MYOC: variants seen among roughly 807,000 people sequenced by gnomAD.
MYOC encodes myocilin, also known as juvenile-onset open-angle glaucoma 1.
In MYOC, 29 loss-of-function variants were observed where a neutral mutation model predicts 28.2. That is an observed-to-expected ratio of 1.03 (90% CI 0.77 to 1.40). The LOEUF (loss-of-function observed/expected upper bound fraction) is 1.40, where lower values mean the gene tolerates loss of function less well. MYOC is among the 40% of genes most tolerant of loss of function. The pLI, the probability that MYOC is intolerant of heterozygous loss-of-function variation, is 0.00. For synonymous variants in MYOC, 240 were observed against 245.6 expected, an observed-to-expected ratio of 0.98 and a Z score of 0.21; for missense variants, 569 against 620.6, an observed-to-expected ratio of 0.92 and a Z score of 0.88.
chr1:171,638,940 A>G (rs1022461062), intron 1 of MYOC: 10 of 447,738 alleles, frequency 2.2e-5, no homozygotes, highest in Non-Finnish European at 4.1e-5. Context: ...CTAAAAACAC[A>G]AAAGAATTAG....
At chr1:171,639,403 G>A (rs74122890) in intron 1 of MYOC, among the ~76,000 whole-genome samples, 1 of 152,142 alleles carries the variant, frequency 6.6e-6, no homozygotes, top group South Asian at 2.1e-4. Flanking sequence ...GGGCTGGTTT[G>A]TGAATAGGTG....
Position 171,636,272 on chromosome 1 carries a change from C to T in MYOC, c.1168G>A (p.Val390Ile). 2 of 1,614,134 alleles carry T rather than the reference C, an allele frequency of 1.2e-6. No homozygotes were observed. The highest frequency in any genetic ancestry group is 1.7e-6 in the Non-Finnish European group (2 of 1,180,024). Residue 390 changes from valine to isoleucine, a missense_variant, in exon 3 of 3, where the codon GTC (valine) becomes ATC (isoleucine). Val to Ile is a conservative substitution (Grantham distance 29, BLOSUM62 3). Transcript: ENST00000037502. ...TTGGCCTCATCGGTGCTGTAAATGA[C>T]CCAGAGGCCTGCTTCATCCACAGCC... ...DLAVDEAGLWVIYSTDEAKGA... is the reference protein window; with the variant it reads ...DLAVDEAGLWIIYSTDEAKGA...
intron 1 of MYOC, among the ~76,000 whole-genome samples, chr1:171,642,143 T>A (rs1199369804): frequency 6.6e-6 from 1 of 152,192 alleles, no homozygotes; most frequent in Non-Finnish European, 1.5e-5. Context: ...GTGAGCCAGC[T>A]CAGTAGCTGC....
chr1:171,638,644 A>G lies in MYOC; in HGVS notation c.683T>C (p.Leu228Ser). The G allele has an allele frequency of 6.2e-7, 1 of 1,614,200 alleles. No homozygotes were observed. Among genetic ancestry groups the G allele is most frequent in the East Asian group, 2.2e-5 (1 of 44,886 alleles). Residue 228 changes from leucine to serine, a missense_variant, in exon 2 of 3, where the codon TTG becomes TCG. Transcript: ENST00000037502. ...ELTEVPASRI[L>S]KESPSGYLRS... ...GAGATAGCCAGATGGGCTCTCCTTCAAAATTCGGGAAGCAGGAACTTCAGT... is the reference window on the plus strand; with the variant it reads ...GAGATAGCCAGATGGGCTCTCCTTCGAAATTCGGGAAGCAGGAACTTCAGT...
chr1:171,640,132 CTTG>C (rs1653044124), intron 1 of MYOC, among the ~76,000 whole-genome samples: 2 of 150,804 alleles, frequency 1.3e-5, no homozygotes, highest in African/African-American at 4.9e-5. Flanking sequence ...GGTTTTTTCC[CTTG>C]TTATATGCAA....
At chr1:171,642,765 A>G (rs976894575) in intron 1 of MYOC, among the ~76,000 whole-genome samples, 2 of 152,056 alleles carry the variant, frequency 1.3e-5, no homozygotes, top group Non-Finnish European at 2.9e-5. Context: ...TCAAATCCAC[A>G]GAGCTATTTA....
At chr1:171,648,631 T>TATTATATATATAATAAATTTATATATATA (rs1238556688) in intron 1 of MYOC, among the ~76,000 whole-genome samples, 11,527 of 146,484 alleles carry the variant, frequency 0.079, 491 homozygotes, top group East Asian at 0.2. Flanking sequence ...ATATGTATTT[T>TATTATATATATAATAAATTTATATATATA]ATTATATATA....
chr1:171,645,366 C>T (rs939201654), intron 1 of MYOC, among the ~76,000 whole-genome samples: 1 of 152,160 alleles, frequency 6.6e-6, no homozygotes, highest in Non-Finnish European at 1.5e-5. Flanking sequence ...ATGCCCTTGC[C>T]ACACGTTGCA....
intron 1 of MYOC, among the ~76,000 whole-genome samples, chr1:171,645,118 T>C (rs1483851686): frequency 6.6e-6 from 1 of 152,160 alleles, no homozygotes; most frequent in Non-Finnish European, 1.5e-5. Flanking sequence ...TGGAGGGACA[T>C]CGTGGGAGGA....
At chr1:171,638,248 C>A (rs148892730) in intron 2 of MYOC, among the ~76,000 whole-genome samples, 1 of 152,222 alleles carries the variant, frequency 6.6e-6, no homozygotes, top group East Asian at 1.9e-4. Flanking sequence ...GATATGAAGG[C>A]GCTACTGAAA....
intron 1 of MYOC, 49 bp downstream of exon 1, chr1:171,651,959 G>T: frequency 6.2e-7 from 1 of 1,613,606 alleles, no homozygotes. Flanking sequence ...AGGTCACTAC[G>T]AGCCATATCA....
chr1:171,644,811 C>T (rs1379135117), intron 1 of MYOC, among the ~76,000 whole-genome samples: 1 of 152,138 alleles, frequency 6.6e-6, no homozygotes, highest in African/African-American at 2.4e-5. Flanking sequence ...CTACTCACTA[C>T]TTTCAAATAA....
chr1:171,640,463 GT>G (rs1275315301), intron 1 of MYOC, among the ~76,000 whole-genome samples: 5 of 152,126 alleles, frequency 3.3e-5, no homozygotes, highest in Admixed American at 1.3e-4. Flanking sequence ...GCCAGGCCCA[GT>G]GGCTCATACC....
rs1373947165 is a variant in MYOC, at chr1:171,652,300, C to T, written c.312G>A (p.Leu104=). The T allele has an allele frequency of 2.5e-6, 4 of 1,611,808 alleles. No individual in the cohort carries two copies. In the African/African-American group the frequency reaches 5.4e-5, roughly 22 times the overall value. The change falls in exon 1 of 3, where the codon TTG becomes TTA. Residue 104 remains leucine (L), a synonymous_variant. Transcript: ENST00000037502. ...TCTCCTGGGGCCTGGCAGCCTGGTC[C>T]AAGGTCAATTGGTGGAGGAGGCTCT... The part of the protein sequence containing the change: ...SLESLLHQLT[L]DQAARPQETQ...
intron 1 of MYOC, among the ~76,000 whole-genome samples, chr1:171,639,619 T>C (rs1255004979): frequency 6.7e-5 from 9 of 134,268 alleles, no homozygotes; most frequent in Non-Finnish European, 6.1e-5. Context: ...CACTCCAGCT[T>C]GGGTAACAGA....
Position 171,652,462 on chromosome 1 carries a change from G to A in MYOC, c.150C>T (p.Thr50=), listed in dbSNP as rs770388138. ...ATTCATTGGGACTGGCCACACTGAA[G>A]GTATACTGGCATCGGCCACTCTGGT... ...ANDQSGRCQY[T]FSVASPNESS... The change falls in exon 1 of 3, where the codon ACC becomes ACT. Residue 50 remains threonine (T), a synonymous_variant. Coordinates refer to ENST00000037502, the MANE Select transcript of MYOC (RefSeq NM_000261.2). The A allele has an allele frequency of 6.2e-6, 10 of 1,614,062 alleles. No homozygotes were observed. Among genetic ancestry groups the A allele is most frequent in the African/African-American group, 2.7e-5 (2 of 74,910 alleles).
At chr1:171,639,689 C>G (rs483218) in intron 1 of MYOC, among the ~76,000 whole-genome samples, 3,711 of 149,840 alleles carry the variant, frequency 0.025, 62 homozygotes, top group Non-Finnish European at 0.041. Flanking sequence ...CAGTGGCTCA[C>G]ACTGAAATCC....
At chr1:171,638,754 G>C (rs1212584782) in intron 1 of MYOC, 32 bp from the exon 2 acceptor site, 1 of 1,612,114 alleles carries the variant, frequency 6.2e-7, no homozygotes, top group Non-Finnish European at 8.5e-7. Context: ...AAATTTTACT[G>C]TAAGAAAAAA....
At chr1:171,637,634 A>G (rs1161617227) in intron 2 of MYOC, among the ~76,000 whole-genome samples, 1 of 150,494 alleles carries the variant, frequency 6.6e-6, no homozygotes, top group Non-Finnish European at 1.5e-5. Context: ...TTTTTTTGAG[A>G]CAGAGTCTCA....
Sources: allele counts gnomAD v4.1 joint callset (sites outside exome capture counted in the v4.1 genomes callset), GRCh38; gene constraint gnomAD v4.1.1; transcripts MANE v1.5; gene names NCBI Gene and HGNC (gene_info 2026-07-23, HGNC 2026-07-21).